LDLRAD4: variants seen among roughly 807,000 people sequenced by gnomAD.
The protein encoded by LDLRAD4 is low density lipoprotein receptor class A domain containing 4.
LDLRAD4 carries 5 observed loss-of-function variants against 17.0 expected under a neutral mutation model. The ratio of observed to expected loss-of-function variants is 0.29; its 90% confidence interval spans 0.15 to 0.62. The LOEUF is 0.62. LDLRAD4 is among the 20% of genes least tolerant of loss of function. The pLI is 0.84. For synonymous variants in LDLRAD4, 168 were observed against 171.8 expected, an observed-to-expected ratio of 0.98 and a Z score of 0.17; for missense variants, 340 against 424.7, an observed-to-expected ratio of 0.80 and a Z score of 1.75.
At chr18:13,483,470 T>C (rs1437445487) in intron 3 of LDLRAD4, among the ~76,000 whole-genome samples, 1 of 152,160 alleles carries the variant, frequency 6.6e-6, no homozygotes, top group Non-Finnish European at 1.5e-5. Flanking sequence ...CACGCAGCAG[T>C]GTGGCTGCCT....
At chr18:13,449,764 C>A (rs555223286) in intron 3 of LDLRAD4, among the ~76,000 whole-genome samples, 19 of 152,280 alleles carry the variant, frequency 1.2e-4, no homozygotes, top group Non-Finnish European at 2.2e-4. Flanking sequence ...ACACTTCAGG[C>A]CTTTTACCCT....
Position 13,243,016 on chromosome 18 carries a change from C to T in LDLRAD4, c.-467+24028C>T, listed in dbSNP as rs77348881. Among the ~76,000 whole-genome samples the T allele has an allele frequency of 3.7e-3, 561 of 152,368 alleles. 6 individuals carry two copies. Among genetic ancestry groups the T allele is most frequent in the African/African-American group, 0.012 (510 of 41,586 alleles). ...GCCTGGCGCCTGCTCTGCCCCTGTGCCTTCATTTCCACATCTCAGTTCTGC... is the reference window on the plus strand; with the variant it reads ...GCCTGGCGCCTGCTCTGCCCCTGTGTCTTCATTTCCACATCTCAGTTCTGC... On this transcript the variant is annotated intron_variant, in intron 1 of 5. Coordinates refer to the LDLRAD4 transcript ENST00000399848.
chr18:13,267,805 G>T (rs2044304413), intron 1 of LDLRAD4, among the ~76,000 whole-genome samples: 1 of 152,246 alleles, frequency 6.6e-6, no homozygotes, highest in Non-Finnish European at 1.5e-5. Context: ...TGCATGCCAT[G>T]AGAACTGGCA....
At chr18:13,406,532 G>C (rs1462630179) in intron 2 of LDLRAD4, among the ~76,000 whole-genome samples, 13 of 152,168 alleles carry the variant, frequency 8.5e-5, no homozygotes. Flanking sequence ...TGGTGCGCAT[G>C]ATTATTATTT....
chr18:13,374,884 C>A (rs2084784820), intron 1 of LDLRAD4, among the ~76,000 whole-genome samples: 1 of 152,114 alleles, frequency 6.6e-6, no homozygotes, highest in Non-Finnish European at 1.5e-5. Flanking sequence ...TAAAGAGCAC[C>A]CCAGGCCCTG....
intron 5 of LDLRAD4, among the ~76,000 whole-genome samples, chr18:13,644,567 CA>C (rs34551820): frequency 1.2e-3 from 158 of 136,592 alleles, no homozygotes; most frequent in Middle Eastern, 3.7e-3. Flanking sequence ...GACCCTGTCT[CA>C]AAAAAAAAAA....
At chr18:13,315,302 T>G (rs1567997826) in intron 1 of LDLRAD4, among the ~76,000 whole-genome samples, 1 of 152,200 alleles carries the variant, frequency 6.6e-6, no homozygotes, top group Non-Finnish European at 1.5e-5. Context: ...TCCTGTTAGT[T>G]TGTAATACAC....
intron 3 of LDLRAD4, among the ~76,000 whole-genome samples, chr18:13,447,623 C>A (rs1003733622): frequency 2.6e-5 from 4 of 152,194 alleles, no homozygotes; most frequent in African/African-American, 9.6e-5. Flanking sequence ...TGAAATTTAT[C>A]CACTTCTTTA....
intron 3 of LDLRAD4, among the ~76,000 whole-genome samples, chr18:13,509,676 A>G (rs1387597376): frequency 2.0e-5 from 3 of 152,268 alleles, no homozygotes; most frequent in Admixed American, 2.0e-4. Flanking sequence ...TTCAATTTTG[A>G]AAGAAGTTCT....
intron 3 of LDLRAD4, among the ~76,000 whole-genome samples, chr18:13,545,153 G>C (rs2094343243): frequency 6.6e-6 from 1 of 152,012 alleles, no homozygotes; most frequent in Non-Finnish European, 1.5e-5. Flanking sequence ...CTGATTGCAG[G>C]GGATCTCTGG....
At chr18:13,265,342 ACCTGTGTGG>A (rs2044156512) in intron 1 of LDLRAD4, among the ~76,000 whole-genome samples, 1 of 151,978 alleles carries the variant, frequency 6.6e-6, no homozygotes, top group South Asian at 2.1e-4. Flanking sequence ...CGCCAAACTT[ACCTGTGTGG>A]CCTGGACGGG....
chr18:13,431,360 A>T (rs995270689), intron 2 of LDLRAD4, among the ~76,000 whole-genome samples: 51 of 152,248 alleles, frequency 3.3e-4, no homozygotes, highest in African/African-American at 1.2e-3. Flanking sequence ...CGCATCTTAC[A>T]GACAGAAAAC....
At chr18:13,299,631 C>T (rs577994576) in intron 1 of LDLRAD4, among the ~76,000 whole-genome samples, 6 of 152,220 alleles carry the variant, frequency 3.9e-5, no homozygotes, top group South Asian at 4.2e-4. Flanking sequence ...ATCACTTGAG[C>T]TCAGGAGTTT....
intron 1 of LDLRAD4, among the ~76,000 whole-genome samples, chr18:13,225,630 A>G (rs1430248304): frequency 6.6e-6 from 1 of 152,236 alleles, no homozygotes; most frequent in Non-Finnish European, 1.5e-5. Context: ...CATCTGTGGG[A>G]CAAATAACGT....
intron 3 of LDLRAD4, among the ~76,000 whole-genome samples, chr18:13,570,548 A>G (rs1488163573): frequency 6.6e-6 from 1 of 152,192 alleles, no homozygotes. Context: ...CCTTAATGAG[A>G]TACCTAATCA....
intron 1 of LDLRAD4, among the ~76,000 whole-genome samples, chr18:13,337,214 C>T (rs1218043379): frequency 6.6e-6 from 1 of 152,104 alleles, no homozygotes; most frequent in East Asian, 1.9e-4. Context: ...GGCTTCAGTC[C>T]CATTCGCGCA....
chr18:13,560,785 G>T (rs928113837), intron 3 of LDLRAD4, among the ~76,000 whole-genome samples: 26 of 152,186 alleles, frequency 1.7e-4, no homozygotes, highest in African/African-American at 6.0e-4. Context: ...CCAACATCAA[G>T]TGTCCATGAA....
At chr18:13,576,421 C>CAAAAAAAA (rs60116058) in intron 3 of LDLRAD4, among the ~76,000 whole-genome samples, 1 of 90,258 alleles carries the variant, frequency 1.1e-5, no homozygotes, top group Non-Finnish European at 2.2e-5. Flanking sequence ...GACTCTGTCT[C>CAAAAAAAA]AAAAAAAAAA....
At chr18:13,387,937 C>T (rs141488924) in intron 2 of LDLRAD4, among the ~76,000 whole-genome samples, 175 bp downstream of exon 3, 4 of 152,304 alleles carry the variant, frequency 2.6e-5, no homozygotes, top group Admixed American at 6.5e-5. Flanking sequence ...TGTTTTCCTT[C>T]GCTCTCTCAA....
Sources: allele counts gnomAD v4.1 joint callset (sites outside exome capture counted in the v4.1 genomes callset), GRCh38; gene constraint gnomAD v4.1.1; transcripts MANE v1.5; gene names NCBI Gene and HGNC (gene_info 2026-07-23, HGNC 2026-07-21).